Variants in ARHGAP36 observed in about 807,000 individuals in gnomAD.
ARHGAP36 encodes rho GTPase-activating protein 36.
In ARHGAP36, 7 loss-of-function variants were observed where a neutral mutation model predicts 32.9. The observed-to-expected ratio is 0.21, with a 90% CI of 0.12 to 0.40. The LOEUF is 0.40. Ranked by LOEUF, ARHGAP36 falls within the 10% of genes least tolerant of loss-of-function variation. The pLI is 1.00. For missense variants in ARHGAP36, 383 were observed against 442.2 expected (o/e 0.87, Z 1.20); for synonymous variants, 165 against 168.3 (o/e 0.98, Z 0.15).
At chrX:131,088,607 A>T in intron 11 of ARHGAP36, 21 bp from the exon 12 acceptor site, 2 of 1,203,966 alleles carry the variant, frequency 1.7e-6, no homozygotes, top group Non-Finnish European at 2.2e-6. Flanking sequence ...ATAAGGAGTT[A>T]ACATTGTTAC....
In ARHGAP36 at chrX:131,081,596, C is replaced by T. The variant is rs979695996; in HGVS notation, c.-70C>T. The T allele has an allele frequency of 2.6e-6, 3 of 1,147,652 alleles. No homozygotes were observed. The highest frequency in any genetic ancestry group is 2.3e-6 in the Non-Finnish European group (2 of 863,171). 94.6% of individuals were successfully genotyped at this position (1,147,652 alleles called of 1,213,427 possible). A position where few individuals can be genotyped will look rare whatever the true frequency, so the allele number is the denominator to read the frequency against. On this transcript the variant is annotated 5_prime_UTR_variant, in exon 2 of 12. Coordinates refer to ENST00000276211, the MANE Select transcript of ARHGAP36 (RefSeq NM_144967.4). ...GTTTTCCCTCCCCCTCTACCCCCACCCCCATAGTTCTCTCCACCAGGTCCA... is the reference window on the plus strand; with the variant it reads ...GTTTTCCCTCCCCCTCTACCCCCACTCCCATAGTTCTCTCCACCAGGTCCA...
intron 1 of ARHGAP36, among the ~76,000 whole-genome samples, chrX:131,060,249 C>T (rs887705199): frequency 8.9e-6 from 1 of 112,029 alleles, no homozygotes; most frequent in Non-Finnish European, 1.9e-5. Context: ...GTGACCAGGC[C>T]AAAAGAGGCT....
At chrX:131,080,544 G>C (rs1327491655) in intron 1 of ARHGAP36, among the ~76,000 whole-genome samples, 1 of 112,408 alleles carries the variant, frequency 8.9e-6, no homozygotes, top group Non-Finnish European at 1.9e-5. Flanking sequence ...TGCGGGAAAG[G>C]ATGCTGTGTG....
Position 131,081,872 on chromosome X carries a change from C to A in ARHGAP36, c.207C>A (p.His69Gln), listed in dbSNP as rs1302033805. The A allele has an allele frequency of 1.1e-5, 13 of 1,212,027 alleles. No homozygotes were observed. The highest frequency in any genetic ancestry group is 1.3e-5 in the Non-Finnish European group (12 of 895,614). Residue 69 changes from histidine (H) to glutamine (Q), a missense_variant, in exon 2 of 12, where the codon CAC (histidine) becomes CAA (glutamine). Around this residue, in one of 2 missense-constraint regions of ARHGAP36, gnomAD observed 156 missense variants for 131.0 expected, o/e 1.19. Transcript: ENST00000276211. ...TGAAGCTGCAAGAGACTGCTTACCACGAACTCGTGGCCAGACATTTCCTCT... is the reference window on the plus strand; with the variant it reads ...TGAAGCTGCAAGAGACTGCTTACCAAGAACTCGTGGCCAGACATTTCCTCT... ...ERLKLQETAY[H>Q]ELVARHFLSE...
intron 1 of ARHGAP36, among the ~76,000 whole-genome samples, chrX:131,073,478 G>T (rs1011272347): frequency 1.8e-5 from 2 of 112,439 alleles, no homozygotes; most frequent in Non-Finnish European, 3.8e-5. Flanking sequence ...CGGGCGGAGG[G>T]TCGGAGGTGG....
In ARHGAP36 at chrX:131,086,071, C is replaced by T. The variant is rs1188700774; in HGVS notation, c.1263C>T (p.Asn421=). ...ATGTGGTCCGTGCCATGATTGATAA[C>T]TGGGATGTCCTCTTCCAGGTAGGTG... ...SVNVVRAMID[N]WDVLFQVPPH... Residue 421 remains asparagine (N), a synonymous_variant, in exon 9 of 12, where the codon AAC becomes AAT. Transcript: ENST00000276211. 2 of 1,210,964 alleles carry T rather than the reference C, an allele frequency of 1.7e-6. No individual in the cohort carries two copies. The highest frequency in any genetic ancestry group is 2.2e-6 in the Non-Finnish European group (2 of 895,242).
At chrX:131,072,134 T>C (rs2079736048) in intron 1 of ARHGAP36, among the ~76,000 whole-genome samples, 2 of 111,189 alleles carry the variant, frequency 1.8e-5, no homozygotes, top group Admixed American at 1.9e-4. Context: ...CTTCTCTAAG[T>C]GCCTAGATAT....
intron 11 of ARHGAP36, 61 bp downstream of exon 11, chrX:131,086,726 C>T: frequency 9.3e-7 from 1 of 1,074,790 alleles, no homozygotes; most frequent in Non-Finnish European, 1.3e-6. Context: ...GAAGGTCAGG[C>T]CCTTTTTGAA....
chrX:131,081,836 G>A lies in ARHGAP36; in HGVS notation c.171G>A (p.Glu57=). The part of the protein sequence containing the change: ...TKMVSIHSLS[E]LERLKLQETA... Reference sequence around the variant, plus strand: ...TGGTATCGATACACAGCCTCTCTGAGCTGGAGCGTCTGAAGCTGCAAGAGA... The same window carrying A: ...TGGTATCGATACACAGCCTCTCTGAACTGGAGCGTCTGAAGCTGCAAGAGA... The change falls in exon 2 of 12, where the codon GAG becomes GAA. Residue 57 remains glutamate, a synonymous_variant. Coordinates refer to ENST00000276211, the MANE Select transcript of ARHGAP36 (RefSeq NM_144967.4). 1 of 1,212,167 alleles carries A rather than the reference G, an allele frequency of 8.2e-7. No homozygotes were observed.
chrX:131,082,690 T>C (rs961181170), intron 2 of ARHGAP36, among the ~76,000 whole-genome samples: 1 of 112,657 alleles, frequency 8.9e-6, no homozygotes, highest in Non-Finnish European at 1.9e-5. Flanking sequence ...AGATTCGGAG[T>C]GCGGGGACAG....
At chrX:131,059,569 C>T (rs907649694) in intron 1 of ARHGAP36, among the ~76,000 whole-genome samples, 2 of 111,678 alleles carry the variant, frequency 1.8e-5, no homozygotes, top group African/African-American at 6.5e-5. Flanking sequence ...AGCCCCAACA[C>T]CCTGCTGAGA....
chrX:131,086,000 T>A lies in ARHGAP36; in HGVS notation c.1192T>A (p.Ser398Thr). 8.3e-7 allele frequency: 1 copy of A among 1,211,029 alleles called. No homozygotes were observed. The highest frequency in any genetic ancestry group is 1.1e-6 in the Non-Finnish European group (1 of 895,217). Residue 398 changes from serine to threonine, a missense_variant, in exon 9 of 12, where the codon TCC (serine) becomes ACC (threonine). Physicochemically the swap from Ser to Thr is moderately conservative, Grantham distance 58 (BLOSUM62 1). Around this residue, in one of 2 missense-constraint regions of ARHGAP36, gnomAD observed 227 missense variants for 311.3 expected, o/e 0.73. Coordinates refer to ENST00000276211, the MANE Select transcript of ARHGAP36 (RefSeq NM_144967.4). ...AAAAGGAAAGTTTGGCAAGAGAGAGTCCAGGAAAACAAAGCTGGGGATTGA... is the reference window on the plus strand; with the variant it reads ...AAAAGGAAAGTTTGGCAAGAGAGAGACCAGGAAAACAAAGCTGGGGATTGA... The part of the protein sequence containing the change: ...LKKGKFGKRE[S>T]RKTKLGIDHY...
intron 1 of ARHGAP36, among the ~76,000 whole-genome samples, chrX:131,067,389 C>T (rs948360007): frequency 1.8e-5 from 2 of 113,577 alleles, no homozygotes; most frequent in East Asian, 5.6e-4. Context: ...TGGCCAATCA[C>T]GTGCGGTGCC....
At position 131,077,764 on chromosome X, in the gene ARHGAP36, CAT is replaced by C. The variant is rs72142237; in HGVS notation, c.-142-3719_-142-3718del. 6.0e-3 allele frequency among the ~76,000 whole-genome samples: 519 copies of C among 86,664 alleles called. 4 individuals are homozygous for C. Among genetic ancestry groups the C allele is most frequent in the East Asian group, 0.036 (88 of 2,463 alleles). The allele number at this position is 86,664 out of a possible 115,157, so 75.3% of individuals were successfully genotyped here. On this transcript the variant is annotated intron_variant, in intron 1 of 11. Transcript: ENST00000276211. ...GCCCCTTTACTTATCCAAATAAAAT[CAT>C]ATATATATATATATATATATATATA... is the stretch of plus-strand genomic sequence containing the variant.
intron 1 of ARHGAP36, among the ~76,000 whole-genome samples, chrX:131,077,736 C>G (rs949889995): frequency 9.4e-5 from 9 of 95,683 alleles, no homozygotes; most frequent in Admixed American, 2.3e-4. Context: ...TGCTCATATT[C>G]TAGCCCCTTT....
In ARHGAP36 at chrX:131,085,717, T is replaced by C; in HGVS notation, c.1085T>C (p.Ile362Thr). The C allele has an allele frequency of 8.3e-7, 1 of 1,211,274 alleles. No individual in the cohort carries two copies. The highest frequency in any genetic ancestry group is 1.1e-6 in the Non-Finnish European group (1 of 895,420). Reference protein sequence around the residue: ...HKITENCEDSIGIDGQLVPGN... With the variant: ...HKITENCEDSTGIDGQLVPGN... Reference sequence around the variant, plus strand: ...ATCACTGAGAACTGCGAGGACTCAATTGGCATTGATGGACAGTTGGTAAAA... The same window carrying C: ...ATCACTGAGAACTGCGAGGACTCAACTGGCATTGATGGACAGTTGGTAAAA... Residue 362 changes from isoleucine (I) to threonine (T), a missense_variant, in exon 8 of 12, where the codon ATT (isoleucine) becomes ACT (threonine). Ile to Thr is a moderately conservative substitution (Grantham distance 89, BLOSUM62 -1). Transcript: ENST00000276211.
At chrX:131,071,180 G>C (rs762317783) in intron 1 of ARHGAP36, among the ~76,000 whole-genome samples, 7 of 110,216 alleles carry the variant, frequency 6.4e-5, no homozygotes, top group Non-Finnish European at 1.1e-4. Flanking sequence ...GAGAGAGAGA[G>C]AGAGACAGAG....
chrX:131,086,706 G>C (rs1472487638), intron 11 of ARHGAP36, 41 bp downstream of exon 11: 1 of 1,156,769 alleles, frequency 8.6e-7, no homozygotes, highest in East Asian at 3.0e-5. Flanking sequence ...CTGAAGGTCA[G>C]TCCCTTGTTG....
At chrX:131,073,233 G>C (rs1306699175) in intron 1 of ARHGAP36, among the ~76,000 whole-genome samples, 2 of 113,093 alleles carry the variant, frequency 1.8e-5, no homozygotes, top group Non-Finnish European at 3.8e-5. Flanking sequence ...GCAGTGAGTG[G>C]TTTCCGCGCG....
Sources: allele counts gnomAD v4.1 joint callset (sites outside exome capture counted in the v4.1 genomes callset), GRCh38; gene constraint gnomAD v4.1.1; regional missense constraint gnomAD v4.1.1; transcripts MANE v1.5; gene names NCBI Gene and HGNC (gene_info 2026-07-23, HGNC 2026-07-21).